The following TMEM74 variants were observed in gnomAD, a reference collection of about 807,000 sequenced individuals.
TMEM74 encodes transmembrane protein 74.
In TMEM74, 13 loss-of-function variants were observed where a neutral mutation model predicts 18.1. The ratio of observed to expected loss-of-function variants is 0.72; its 90% CI spans 0.47 to 1.14. The LOEUF (loss-of-function observed/expected upper bound fraction) is 1.14, where lower values mean the gene tolerates loss of function less well. Ranked by LOEUF, TMEM74 falls within the 50% of genes most tolerant of loss-of-function variation. TMEM74 has a pLI of 0.00. For missense variants in TMEM74, 372 were observed against 375.9 expected (o/e 0.99, Z 0.09); for synonymous variants, 159 against 146.6 (o/e 1.08, Z -0.61).
chr8:108,664,600 A>C (rs1006892449), intron 1 of TMEM74, among the ~76,000 whole-genome samples: 4 of 152,032 alleles, frequency 2.6e-5, no homozygotes, highest in Admixed American at 6.6e-5. Flanking sequence ...GTTTAACTTT[A>C]TCTCTTTCTA....
chr8:108,646,774 T>C (rs1047779375), intron 2 of TMEM74, among the ~76,000 whole-genome samples: 12 of 152,096 alleles, frequency 7.9e-5, no homozygotes, highest in African/African-American at 2.4e-4. Context: ...GCTGTCTTTA[T>C]ATATTTTTGT....
intron 1 of TMEM74, among the ~76,000 whole-genome samples, chr8:108,697,635 T>A (rs1813293571): frequency 6.6e-6 from 1 of 152,098 alleles, no homozygotes; most frequent in Non-Finnish European, 1.5e-5. Flanking sequence ...CAGGCTGGTC[T>A]CATACACCTG....
chr8:108,635,651 G>A (rs961218354), intron 2 of TMEM74, among the ~76,000 whole-genome samples: 1 of 151,952 alleles, frequency 6.6e-6, no homozygotes, highest in Non-Finnish European at 1.5e-5. Context: ...TTTGCAAATA[G>A]ACTTTCTGTT....
At chr8:108,681,586 A>G (rs1339023155) in intron 1 of TMEM74, among the ~76,000 whole-genome samples, 5 of 152,208 alleles carry the variant, frequency 3.3e-5, no homozygotes, top group Non-Finnish European at 7.3e-5. Flanking sequence ...TAGACCATAT[A>G]AGCTAGTCTC....
rs116039756 is a variant in TMEM74 at position 108,688,540 on chromosome 8, A to T, written n.120-33103T>A. ...TTAGGCAAAAGGTCAAGAACTCAAA[A>T]TAGAAATGAAGTGGGGAGAGCAGGA... is the stretch of plus-strand genomic sequence containing the variant. On this transcript the variant is annotated intron_variant and non_coding_transcript_variant, in intron 1 of 3. Coordinates refer to the TMEM74 transcript ENST00000518838. 1.4e-3 allele frequency among the ~76,000 whole-genome samples: 210 copies of T among 152,344 alleles called. 1 individual carries two copies. The highest frequency in any genetic ancestry group is 4.8e-3 in the African/African-American group (198 of 41,590).
intron 1 of TMEM74, among the ~76,000 whole-genome samples, chr8:108,699,030 AG>A (rs1813308358): frequency 1.3e-5 from 2 of 152,118 alleles, no homozygotes; most frequent in Admixed American, 6.5e-5. Flanking sequence ...GGGCAAGATC[AG>A]GGCTCTCACT....
chr8:108,713,671 A>G (rs933236889), intron 1 of TMEM74, among the ~76,000 whole-genome samples: 3 of 152,232 alleles, frequency 2.0e-5, no homozygotes, highest in African/African-American at 7.2e-5. Context: ...TAAAATTTGT[A>G]TTAGTCAGGG....
intron 1 of TMEM74, among the ~76,000 whole-genome samples, chr8:108,717,882 GT>G (rs1000482107): frequency 2.0e-5 from 3 of 148,140 alleles, no homozygotes; most frequent in African/African-American, 7.3e-5. Context: ...AGGACTTAGG[GT>G]TTTGTTCTCA....
intron 1 of TMEM74, among the ~76,000 whole-genome samples, chr8:108,693,364 A>G (rs1230615294): frequency 6.6e-6 from 1 of 152,194 alleles, no homozygotes; most frequent in East Asian, 1.9e-4. Context: ...AGTTTCAGAT[A>G]ATGGAAGTGG....
At chr8:108,684,700 T>TG (rs563288817) in intron 1 of TMEM74, among the ~76,000 whole-genome samples, 1 of 151,602 alleles carries the variant, frequency 6.6e-6, no homozygotes, top group African/African-American at 2.4e-5. Flanking sequence ...ATAGTTTTTT[T>TG]TTTTTATCAT....
At chr8:108,709,591 C>T (rs999437893) in intron 1 of TMEM74, among the ~76,000 whole-genome samples, 7 of 152,188 alleles carry the variant, frequency 4.6e-5, no homozygotes, top group Admixed American at 3.9e-4. Flanking sequence ...TGAATAAGCT[C>T]TAGGCGTCTG....
intron 2 of TMEM74, among the ~76,000 whole-genome samples, chr8:108,615,302 TG>T (rs1374912889): frequency 3.9e-5 from 6 of 152,198 alleles, no homozygotes; most frequent in African/African-American, 1.4e-4. Flanking sequence ...ACCTAGGGAA[TG>T]GTTAGCACTC....
At chr8:108,645,776 A>G (rs1315636986) in intron 2 of TMEM74, among the ~76,000 whole-genome samples, 1 of 152,152 alleles carries the variant, frequency 6.6e-6, no homozygotes, top group Non-Finnish European at 1.5e-5. Flanking sequence ...CAGACATTCT[A>G]AGAGATAACC....
At chr8:108,632,315 G>C (rs1436972315) in intron 2 of TMEM74, among the ~76,000 whole-genome samples, 1 of 151,906 alleles carries the variant, frequency 6.6e-6, no homozygotes, top group African/African-American at 2.4e-5. Context: ...CAACACTGTG[G>C]TGCATACTTA....
exon 4 of TMEM74, chr8:108,607,713 C>T (rs1009011506): frequency 6.6e-6 from 1 of 152,212 alleles, no homozygotes; most frequent in Non-Finnish European, 1.5e-5. Context: ...TGGCTCTTCA[C>T]TTTCAGGTGG....
rs532916216 is a variant in TMEM74, at chr8:108,674,770, A to T, written n.120-19333T>A. Reference sequence around the variant, plus strand: ...ACAACTCCAGAATGGCACCACTCACATTGTCCTCTATGTGAATTGTCCTCC... The same window carrying T: ...ACAACTCCAGAATGGCACCACTCACTTTGTCCTCTATGTGAATTGTCCTCC... On this transcript the variant is annotated intron_variant and non_coding_transcript_variant, in intron 1 of 3. Transcript: ENST00000518838. Among the ~76,000 whole-genome samples the T allele has an allele frequency of 1.2e-4, 18 of 152,288 alleles. No individual in the cohort carries two copies. The South Asian group carries it at 3.7e-3, about 32-fold the overall frequency.
At chr8:108,732,791 A>ATG (rs1295287777) in intron 1 of TMEM74, among the ~76,000 whole-genome samples, 1 of 149,846 alleles carries the variant, frequency 6.7e-6, no homozygotes, top group East Asian at 1.9e-4. Flanking sequence ...AAATATATAT[A>ATG]TATATGTATA....
At chr8:108,712,525 T>C (rs907927629) in intron 1 of TMEM74, among the ~76,000 whole-genome samples, 3 of 152,172 alleles carry the variant, frequency 2.0e-5, no homozygotes, top group Non-Finnish European at 4.4e-5. Flanking sequence ...TCCTTGTGGA[T>C]GTCCTCCTCA....
intron 1 of TMEM74, among the ~76,000 whole-genome samples, chr8:108,673,624 GA>G (rs1256888139): frequency 1.3e-5 from 2 of 152,082 alleles, no homozygotes; most frequent in Non-Finnish European, 2.9e-5. Context: ...TTAGAAGGAA[GA>G]AAAGTGCAAA....
Sources: gnomAD v4.1 joint callset for allele counts (sites outside exome capture counted in the v4.1 genomes callset) on GRCh38, gnomAD v4.1.1 for gene constraint, MANE v1.5 for transcripts, NCBI Gene and HGNC (gene_info 2026-07-23, HGNC 2026-07-21) for gene names.